Variants in PTPRN2 observed in about 807,000 individuals in gnomAD.
PTPRN2 encodes the protein protein tyrosine phosphatase receptor type N2.
In PTPRN2, 74 loss-of-function variants were observed where a neutral mutation model predicts 118.8. The observed-to-expected ratio is 0.62, with a 90% CI of 0.52 to 0.76. PTPRN2 has a LOEUF of 0.76. Among genes scored for constraint, PTPRN2 ranks in the 30% least tolerant of loss-of-function variants. The probability of loss-of-function intolerance (pLI) is 0.00; values close to 1 mark genes in which losing one functional copy is unlikely to be tolerated. For missense variants in PTPRN2, 1,481 were observed against 1,394.4 expected (o/e 1.06, Z -0.99); for synonymous variants, 641 against 608.0 (o/e 1.05, Z -0.80).
intron 15 of PTPRN2, among the ~76,000 whole-genome samples, chr7:157,605,921 C>A (rs1357439797): frequency 6.6e-6 from 1 of 152,244 alleles, no homozygotes; most frequent in Non-Finnish European, 1.5e-5. Context: ...CCCTCCCTGG[C>A]CTGAAGGTGG....
At chr7:158,337,166 C>T (rs1347450827) in intron 2 of PTPRN2, among the ~76,000 whole-genome samples, 8 of 152,102 alleles carry the variant, frequency 5.3e-5, no homozygotes, top group African/African-American at 1.7e-4. Flanking sequence ...GAGGTGACAC[C>T]TGCAGACGTC....
intron 9 of PTPRN2, among the ~76,000 whole-genome samples, chr7:158,111,687 G>C (rs866871451): frequency 2.0e-5 from 3 of 152,226 alleles, no homozygotes; most frequent in Non-Finnish European, 4.4e-5. Flanking sequence ...GATGCCTGCA[G>C]GGCACCAGGA....
At chr7:158,191,695 G>A (rs1825777986) in intron 5 of PTPRN2, among the ~76,000 whole-genome samples, 1 of 152,198 alleles carries the variant, frequency 6.6e-6, no homozygotes, top group Non-Finnish European at 1.5e-5. Context: ...GCTCTGTGAT[G>A]CGGGTCCTTG....
chr7:158,410,087 T>C (rs1448839905), intron 2 of PTPRN2, among the ~76,000 whole-genome samples: 1 of 152,200 alleles, frequency 6.6e-6, no homozygotes, highest in Non-Finnish European at 1.5e-5. Context: ...CAGGCAGACC[T>C]GGAGTTCATC....
chr7:158,079,558 G>A (rs1421258957), intron 11 of PTPRN2, among the ~76,000 whole-genome samples: 1 of 152,204 alleles, frequency 6.6e-6, no homozygotes, highest in Non-Finnish European at 1.5e-5. Context: ...GCATCCTTGA[G>A]GTCCTGCAAA....
At chr7:157,543,908 T>TTG (rs1173988982) in intron 22 of PTPRN2, among the ~76,000 whole-genome samples, 1 of 152,050 alleles carries the variant, frequency 6.6e-6, no homozygotes, top group Non-Finnish European at 1.5e-5. Context: ...GGACTAGGCA[T>TTG]TGTGTGTGTG....
chr7:157,895,412 G>A (rs949394701), intron 12 of PTPRN2, among the ~76,000 whole-genome samples: 6 of 151,654 alleles, frequency 4.0e-5, no homozygotes, highest in African/African-American at 1.5e-4. Context: ...GGATCTGGAC[G>A]AGACCATAAA....
At chr7:157,566,889 C>T (rs1799513556) in intron 21 of PTPRN2, among the ~76,000 whole-genome samples, 1 of 152,244 alleles carries the variant, frequency 6.6e-6, no homozygotes, top group Admixed American at 6.5e-5. Context: ...CGTCCGGCCG[C>T]CTGCCTGTGC....
chr7:158,129,371 CACAA>C lies in PTPRN2; in HGVS notation c.1556+4302_1556+4305del, dbSNP rs529740628. On this transcript the variant is annotated intron_variant, in intron 9 of 22. Coordinates refer to ENST00000389418, the MANE Select transcript of PTPRN2 (RefSeq NM_002847.5). ...AACACACACCACACAGCACACCACA[CACAA>C]ACAACACACACCACACACTACACAC... Among the ~76,000 whole-genome samples, 244 of 149,432 alleles carry C rather than the reference CACAA, an allele frequency of 1.6e-3. 1 individual carries two copies. Among genetic ancestry groups the C allele is most frequent in the African/African-American group, 5.0e-3 (199 of 39,814 alleles).
At chr7:157,805,920 C>A (rs1805602683) in intron 12 of PTPRN2, among the ~76,000 whole-genome samples, 1 of 152,158 alleles carries the variant, frequency 6.6e-6, no homozygotes, top group Non-Finnish European at 1.5e-5. Context: ...GGGTCTGGTG[C>A]TTCTCCACAC....
chr7:157,747,190 G>C (rs1470741366), intron 12 of PTPRN2, among the ~76,000 whole-genome samples: 5 of 135,144 alleles, frequency 3.7e-5, no homozygotes, highest in Admixed American at 7.3e-5. Flanking sequence ...GGGGTGTGCG[G>C]GTGATTCTGA....
chr7:158,577,197 G>A (rs1367559057), intron 1 of PTPRN2, among the ~76,000 whole-genome samples: 8 of 108,604 alleles, frequency 7.4e-5, no homozygotes, highest in South Asian at 3.6e-4. Flanking sequence ...TGATGCCACA[G>A]ACAGCATGGG....
At chr7:158,318,287 A>C (rs1206269046) in intron 2 of PTPRN2, among the ~76,000 whole-genome samples, 1 of 152,208 alleles carries the variant, frequency 6.6e-6, no homozygotes, top group East Asian at 1.9e-4. Flanking sequence ...AGAAAGGGGC[A>C]AAGAGGGAAA....
In PTPRN2 at chr7:157,575,402, C is replaced by T. The variant is rs186849391; in HGVS notation, c.2783+1211G>A. On this transcript the variant is annotated intron_variant, in intron 19 of 22. Transcript: ENST00000389418. ...TTAGGATGTACTCAGGACTCTGGAT[C>T]TACGCTCTGCGTCCCCAGGGGAGGT... 1.7e-3 allele frequency among the ~76,000 whole-genome samples: 262 copies of T among 152,346 alleles called. 1 individual carries two copies. Among genetic ancestry groups the T allele is most frequent in the African/African-American group, 6.2e-3 (258 of 41,572 alleles).
chr7:157,948,212 A>G (rs576227210), intron 11 of PTPRN2, among the ~76,000 whole-genome samples: 1 of 152,380 alleles, frequency 6.6e-6, no homozygotes, highest in East Asian at 1.9e-4. Flanking sequence ...TTTGTCTTCT[A>G]TATGATTTAA....
At chr7:158,436,862 G>A (rs944942516) in intron 2 of PTPRN2, among the ~76,000 whole-genome samples, 2 of 152,146 alleles carry the variant, frequency 1.3e-5, no homozygotes, top group Admixed American at 1.3e-4. Flanking sequence ...TTAGAGTGAT[G>A]TTCAGAGGTA....
intron 3 of PTPRN2, among the ~76,000 whole-genome samples, chr7:158,244,773 G>A (rs1009218117): frequency 1.1e-4 from 16 of 151,484 alleles, no homozygotes; most frequent in African/African-American, 3.6e-4. Context: ...AGTATGTGTG[G>A]GTGTGTGTGA....
At chr7:157,998,641 G>C (rs2128856228) in intron 11 of PTPRN2, among the ~76,000 whole-genome samples, 1 of 152,214 alleles carries the variant, frequency 6.6e-6, no homozygotes, top group East Asian at 1.9e-4. Context: ...TGGCCAACAT[G>C]GTGAAACCCC....
intron 6 of PTPRN2, among the ~76,000 whole-genome samples, chr7:158,157,005 C>A (rs1326296496): frequency 3.3e-5 from 5 of 151,354 alleles, no homozygotes; most frequent in Non-Finnish European, 4.4e-5. Flanking sequence ...GTGGAGAGCA[C>A]CCCTGTTCCA....
Sources: allele counts gnomAD v4.1 joint callset (sites outside exome capture counted in the v4.1 genomes callset), GRCh38; gene constraint gnomAD v4.1.1; transcripts MANE v1.5; gene names NCBI Gene and HGNC (gene_info 2026-07-23, HGNC 2026-07-21).